Variants in ARSH observed in about 807,000 individuals in gnomAD.
ARSH encodes the protein arylsulfatase family member H.
ARSH carries 32 observed loss-of-function variants against 28.7 expected under a neutral mutation model. That is an observed-to-expected ratio of 1.11 (90% CI 0.84 to 1.50). The LOEUF is 1.50. ARSH is among the 40% of genes most tolerant of loss of function. ARSH has a pLI of 0.00. For synonymous variants in ARSH, 176 were observed against 177.3 expected, an observed-to-expected ratio of 0.99 and a Z score of 0.06; for missense variants, 440 against 452.4, an observed-to-expected ratio of 0.97 and a Z score of 0.25.
chrX:3,008,447 T>G (rs1178574935), intron 1 of ARSH, among the ~76,000 whole-genome samples: 1 of 99,977 alleles, frequency 1.0e-5, no homozygotes, highest in East Asian at 3.2e-4. Flanking sequence ...TTCTTCTTCT[T>G]ATTTTCTTTC....
chrX:3,018,774 G>A lies in ARSH; in HGVS notation c.901+104G>A. ...TATGTCCAGCCCCTTGCATAGCATA[G>A]ATACCTGAAAAGTATCTGTTTCATC... On this transcript the variant is annotated intron_variant, in intron 5 of 8. Coordinates refer to ENST00000381130, the MANE Select transcript of ARSH (RefSeq NM_001011719.2). 9.0e-6 allele frequency: 8 copies of A among 886,295 alleles called. No individual in the cohort carries two copies. The South Asian group carries it at 2.4e-4, about 27-fold the overall frequency. 73.0% of individuals were successfully genotyped at this position (886,295 alleles called of 1,213,427 possible). A position where few individuals can be genotyped will look rare whatever the true frequency, so the allele number is the denominator to read the frequency against.
intron 5 of ARSH, among the ~76,000 whole-genome samples, chrX:3,020,588 C>CAAAAAAA (rs759581189): frequency 3.6e-4 from 16 of 44,327 alleles, no homozygotes; most frequent in East Asian, 7.6e-4. Flanking sequence ...GACTCAGTCT[C>CAAAAAAA]AAAAAAAAAA....
intron 1 of ARSH, among the ~76,000 whole-genome samples, chrX:3,007,841 G>C (rs2089832994): frequency 9.0e-6 from 1 of 111,148 alleles, no homozygotes; most frequent in African/African-American, 3.3e-5. Flanking sequence ...TCCTGGGCTT[G>C]GAGATGCCGT....
At chrX:3,008,819 C>T (rs1458649146) in intron 1 of ARSH, among the ~76,000 whole-genome samples, 1 of 110,028 alleles carries the variant, frequency 9.1e-6, no homozygotes, top group South Asian at 3.9e-4. Flanking sequence ...AAGTGTTCAG[C>T]CCCTCTTGGC....
At chrX:3,030,744 C>T (rs1278143794) in intron 8 of ARSH, among the ~76,000 whole-genome samples, 1 of 111,592 alleles carries the variant, frequency 9.0e-6, no homozygotes, top group African/African-American at 3.3e-5. Context: ...GGGATTATTA[C>T]AACTCAAGGT....
At chrX:3,020,240 C>G (rs182394556) in intron 5 of ARSH, among the ~76,000 whole-genome samples, 40 of 86,386 alleles carry the variant, frequency 4.6e-4, no homozygotes, top group African/African-American at 1.6e-3. Context: ...AGCAGTGAGC[C>G]GAGATTGCAC....
intron 2 of ARSH, among the ~76,000 whole-genome samples, chrX:3,011,814 T>G (rs754364558): frequency 9.0e-6 from 1 of 111,713 alleles, no homozygotes; most frequent in African/African-American, 3.3e-5. Context: ...GAGTCTACTT[T>G]CTTCTTCTTC....
chrX:3,028,501 G>A (rs762111711), intron 7 of ARSH, among the ~76,000 whole-genome samples: 2 of 110,592 alleles, frequency 1.8e-5, no homozygotes, highest in South Asian at 4.0e-4. Flanking sequence ...GAGCCACCAG[G>A]CCTGGCTTTG....
chrX:3,009,953 T>C (rs184431375), intron 1 of ARSH, 77 bp from the exon 2 acceptor site: 31 of 1,127,680 alleles, frequency 2.7e-5, no homozygotes, highest in Non-Finnish European at 3.4e-5. Context: ...TGACCCAAAA[T>C]AGAATAGCTT....
chrX:3,013,194 C>G (rs749471202), intron 3 of ARSH, 22 bp downstream of exon 3: 6 of 1,192,916 alleles, frequency 5.0e-6, no homozygotes, highest in East Asian at 6.1e-5. Context: ...GAACTCTGCC[C>G]GTGGAAACGT....
chrX:3,011,835 T>A (rs956497632), intron 2 of ARSH, among the ~76,000 whole-genome samples: 2 of 111,409 alleles, frequency 1.8e-5, no homozygotes, highest in African/African-American at 3.3e-5. Flanking sequence ...CAAGGTAGGA[T>A]CCTTGAAATA....
chrX:3,013,554 A>C (rs1432809598), intron 3 of ARSH, among the ~76,000 whole-genome samples: 6 of 86,868 alleles, frequency 6.9e-5, no homozygotes, highest in Non-Finnish European at 1.1e-4. Flanking sequence ...TGGTCGACTT[A>C]GATCACTTAA....
chrX:3,032,751 G>T (rs1466171728), intron 8 of ARSH, among the ~76,000 whole-genome samples: 2 of 111,819 alleles, frequency 1.8e-5, no homozygotes, highest in Non-Finnish European at 3.8e-5. Context: ...TTTTAATTTG[G>T]TATTCCCAGA....
chrX:3,019,863 A>T (rs2089876744), intron 5 of ARSH, among the ~76,000 whole-genome samples: 1 of 111,389 alleles, frequency 9.0e-6, no homozygotes, highest in African/African-American at 3.3e-5. Flanking sequence ...GTGGTGTCGG[A>T]TAGGACAAAG....
intron 4 of ARSH, among the ~76,000 whole-genome samples, chrX:3,016,947 C>T (rs765090803): frequency 6.0e-4 from 66 of 110,768 alleles, no homozygotes; most frequent in Middle Eastern, 4.7e-3. Context: ...CTGTTTGTCA[C>T]CTTCCTTAGT....
rs1035470057 is a variant in ARSH, at chrX:3,027,463, T to C, written c.1187T>C (p.Leu396Ser). ...CTGTCTTATATAGGCGGAGGGATCT[T>C]GTCCCAGGACAGGTATGGAAACAGT... ...PTLSYIGGGI[L>S]SQDRVIDGQN... is the part of the protein sequence containing the mutation. Residue 396 changes from leucine (L) to serine (S), a missense_variant, in exon 7 of 9, where the codon TTG (leucine) becomes TCG (serine). Transcript: ENST00000381130. 2 of 1,209,434 alleles carry C rather than the reference T, an allele frequency of 1.7e-6. No individual in the cohort carries two copies. The highest frequency in any genetic ancestry group is 3.5e-5 in the African/African-American group (2 of 57,251).
In ARSH at chrX:3,033,142, C is replaced by T. The variant is rs1359218115; in HGVS notation, c.1446C>T (p.Leu482=). The change falls in exon 9 of 9, where the codon CTC becomes CTT. Residue 482 remains leucine (L), a synonymous_variant. Coordinates refer to ENST00000381130, the MANE Select transcript of ARSH (RefSeq NM_001011719.2). Reference sequence around the variant, plus strand: ...TAACCTACCACGACCCACCACTCCTCTTTGACATCTCAAGAGACCCTTCAG... The same window carrying T: ...TAACCTACCACGACCCACCACTCCTTTTTGACATCTCAAGAGACCCTTCAG... ...GDVTYHDPPL[L]FDISRDPSEA... is the part of the protein sequence containing the mutation. 1 of 1,211,539 alleles carries T rather than the reference C, an allele frequency of 8.3e-7. No homozygotes were observed. The highest frequency in any genetic ancestry group is 1.7e-5 in the African/African-American group (1 of 57,752).
intron 8 of ARSH, among the ~76,000 whole-genome samples, chrX:3,030,625 C>T (rs2089911341): frequency 1.8e-5 from 2 of 111,486 alleles, no homozygotes; most frequent in Admixed American, 9.6e-5. Flanking sequence ...AGGGAAATGC[C>T]TTATAAAACC....
chrX:3,010,175 C>T, intron 2 of ARSH, 24 bp downstream of exon 2: 5 of 1,199,851 alleles, frequency 4.2e-6, no homozygotes, highest in Non-Finnish European at 5.6e-6. Flanking sequence ...AAGGCAGCAA[C>T]ATTTCAGTCT....
Sources: gnomAD v4.1 joint callset for allele counts (sites outside exome capture counted in the v4.1 genomes callset) on GRCh38, gnomAD v4.1.1 for gene constraint, MANE v1.5 for transcripts, NCBI Gene and HGNC (gene_info 2026-07-23, HGNC 2026-07-21) for gene names.